The following PUM3 variants were observed in gnomAD, a reference collection of about 807,000 sequenced individuals.
PUM3 encodes the protein pumilio homolog 3.
A neutral mutation model predicts 84.0 loss-of-function variants in PUM3; 91 were observed. The ratio of observed to expected loss-of-function variants is 1.08; its 90% CI spans 0.91 to 1.29. The LOEUF (loss-of-function observed/expected upper bound fraction) is 1.29. Ranked by LOEUF, PUM3 falls within the 50% of genes most tolerant of loss-of-function variation. PUM3 has a pLI of 0.00. For missense variants in PUM3, 1,067 were observed against 767.5 expected, an observed-to-expected ratio of 1.39 and a Z score of -4.61; for synonymous variants, 321 against 266.7, an observed-to-expected ratio of 1.20 and a Z score of -1.98.
At position 2,804,384 on chromosome 9, in the gene PUM3, T is replaced by C; in HGVS notation, c.1894A>G (p.Thr632Ala). 1 of 1,614,024 alleles carries C rather than the reference T, an allele frequency of 6.2e-7. No homozygotes were observed. Among genetic ancestry groups the C allele is most frequent in the Non-Finnish European group, 8.5e-7 (1 of 1,179,984 alleles). Residue 632 changes from threonine to alanine, a missense_variant, in exon 18 of 18, where the codon ACC becomes GCC. Physicochemically the swap from Thr to Ala is moderately conservative, Grantham distance 58. Transcript: ENST00000397885. ...LKSLIPTLEK[T>A]KSTSKGIEIL... Reference sequence around the variant, plus strand: ...TCTATTCCTTTGCTGGTGCTTTTGGTTTTTTCCAATGTAGGAATCAAGCTT... The same window carrying C: ...TCTATTCCTTTGCTGGTGCTTTTGGCTTTTTCCAATGTAGGAATCAAGCTT...
At chr9:2,816,693 A>C (rs1332908933) in intron 13 of PUM3, among the ~76,000 whole-genome samples, 1 of 151,892 alleles carries the variant, frequency 6.6e-6, no homozygotes, top group Non-Finnish European at 1.5e-5. Context: ...TCATTTACCT[A>C]TCTGGTCAAT....
At chr9:2,838,688 C>T (rs1816196123) in intron 1 of PUM3, among the ~76,000 whole-genome samples, 171 bp from the exon 2 acceptor site, 1 of 152,156 alleles carries the variant, frequency 6.6e-6, no homozygotes, top group Non-Finnish European at 1.5e-5. Flanking sequence ...ATCACTGACT[C>T]AAATTTTAAA....
intron 15 of PUM3, among the ~76,000 whole-genome samples, chr9:2,811,009 C>CG (rs1279514597): frequency 2.6e-5 from 4 of 152,174 alleles, no homozygotes; most frequent in Admixed American, 2.6e-4. Flanking sequence ...TTTCAAGGTA[C>CG]ATTCATCTTT....
intron 1 of PUM3, among the ~76,000 whole-genome samples, chr9:2,840,713 T>C (rs540829296): frequency 1.2e-4 from 19 of 152,370 alleles, no homozygotes; most frequent in Non-Finnish European, 2.6e-4. Flanking sequence ...GTTGCTTCTG[T>C]GTCCTTTTGA....
At chr9:2,831,109 C>A in intron 6 of PUM3, 81 bp from the exon 7 acceptor site, 1 of 984,924 alleles carries the variant, frequency 1.0e-6, no homozygotes. Flanking sequence ...TTGTCCCAGG[C>A]AAGGAAAAAA....
Position 2,837,288 on chromosome 9 carries a change from T to G in PUM3, c.196A>C (p.Lys66Gln). The G allele has an allele frequency of 6.2e-7, 1 of 1,614,132 alleles. No homozygotes were observed. Among genetic ancestry groups the G allele is most frequent in the Non-Finnish European group, 8.5e-7 (1 of 1,179,974 alleles). ...CCTTGCTGCTTATTCTTGAACTGCT[T>G]TACACCCTTTTTCCCAAGTTTTGTG... ...SITKLGKKGV[K>Q]QFKNKQQGDK... The change falls in exon 3 of 18, where the codon AAG (lysine) becomes CAG (glutamine). Residue 66 changes from lysine (K) to glutamine (Q), a missense_variant. Physicochemically the swap from Lys to Gln is moderately conservative, Grantham distance 53 (BLOSUM62 1). Coordinates refer to ENST00000397885, the MANE Select transcript of PUM3 (RefSeq NM_014878.5).
chr9:2,833,867 G>C (rs146375904), intron 4 of PUM3, among the ~76,000 whole-genome samples, 164 bp downstream of exon 4: 2 of 152,144 alleles, frequency 1.3e-5, no homozygotes, highest in African/African-American at 4.8e-5. Context: ...CTTCTGTGAC[G>C]GGCAGACTTC....
intron 13 of PUM3, among the ~76,000 whole-genome samples, chr9:2,812,737 A>G (rs1479907640): frequency 6.6e-6 from 1 of 152,190 alleles, no homozygotes; most frequent in African/African-American, 2.4e-5. Flanking sequence ...TGTGACTAGC[A>G]TTACTGAACA....
At chr9:2,810,887 T>G (rs1330255522) in intron 15 of PUM3, among the ~76,000 whole-genome samples, 1 of 152,210 alleles carries the variant, frequency 6.6e-6, no homozygotes, top group Non-Finnish European at 1.5e-5. Context: ...AGAAAGCATC[T>G]TTTCAGCTCA....
intron 17 of PUM3, among the ~76,000 whole-genome samples, chr9:2,805,102 G>A (rs1217022208): frequency 6.6e-6 from 1 of 152,164 alleles, no homozygotes; most frequent in African/African-American, 2.4e-5. Context: ...TCAGTTTCCC[G>A]AATTGTAGAA....
Position 2,824,720 on chromosome 9 carries a change from G to C in PUM3, c.1131C>G (p.Pro377=). The change falls in exon 11 of 18, where the codon CCC becomes CCG. Residue 377 remains proline (P), a synonymous_variant. Coordinates refer to ENST00000397885, the MANE Select transcript of PUM3 (RefSeq NM_014878.5). ...VAMHCLWHGT[P]KDRKVIVKTM... ...GCCCAAGTGCTGTCACACTTACCTTGGGCGTGCCATGCCACAGGCAGTGCA... is the reference window on the plus strand; with the variant it reads ...GCCCAAGTGCTGTCACACTTACCTTCGGCGTGCCATGCCACAGGCAGTGCA... 1 of 1,541,266 alleles carries C rather than the reference G, an allele frequency of 6.5e-7. No homozygotes were observed. Among genetic ancestry groups the C allele is most frequent in the East Asian group, 2.3e-5 (1 of 42,716 alleles).
chr9:2,812,613 T>C (rs909729003), intron 13 of PUM3, among the ~76,000 whole-genome samples: 2 of 152,210 alleles, frequency 1.3e-5, no homozygotes, highest in African/African-American at 4.8e-5. Context: ...GAAGAATACA[T>C]ACTTAACTAC....
At chr9:2,828,086 C>A (rs1815872169) in intron 9 of PUM3, among the ~76,000 whole-genome samples, 1 of 152,146 alleles carries the variant, frequency 6.6e-6, no homozygotes, top group South Asian at 2.1e-4. Flanking sequence ...GTTGCCTAGG[C>A]TGGAATGCAG....
chr9:2,808,173 C>G (rs1463681054), intron 16 of PUM3, among the ~76,000 whole-genome samples: 1 of 152,216 alleles, frequency 6.6e-6, no homozygotes, highest in East Asian at 1.9e-4. Context: ...TAATAAAACA[C>G]TCACTTGGTT....
chr9:2,805,681 T>C (rs1821243071), intron 17 of PUM3, among the ~76,000 whole-genome samples: 1 of 152,236 alleles, frequency 6.6e-6, no homozygotes, highest in Non-Finnish European at 1.5e-5. Flanking sequence ...CAACACATAA[T>C]AGTAAGTTAT....
At position 2,823,736 on chromosome 9, in the gene PUM3, C is replaced by A. The variant is rs57168431; in HGVS notation, c.1188+45G>T. 2,813 of 865,566 alleles carry A rather than the reference C, an allele frequency of 3.2e-3. 50 individuals are homozygous for A. The African/African-American group carries it at 0.044, about 14-fold the overall frequency. The allele number at this position is 865,566 out of a possible 1,614,324, so 53.6% of individuals were successfully genotyped here. ...TTTTCTATAATAGACATGAATTCAT[C>A]TTACTATCAAAAATAATTAGAATAT... On this transcript the variant is annotated intron_variant, in intron 12 of 17. Transcript: ENST00000397885.
intron 10 of PUM3, among the ~76,000 whole-genome samples, chr9:2,826,729 T>C (rs979488959): frequency 6.6e-6 from 1 of 152,204 alleles, no homozygotes; most frequent in Non-Finnish European, 1.5e-5. Context: ...TAATTTTTTT[T>C]TTGTATTAGC....
chr9:2,829,798 A>G lies in PUM3; in HGVS notation c.828T>C (p.Tyr276=), dbSNP rs760800684. The G allele has an allele frequency of 1.1e-5, 17 of 1,613,820 alleles. No homozygotes were observed. Among genetic ancestry groups the G allele is most frequent in the Non-Finnish European group, 1.4e-5 (17 of 1,179,852 alleles). Residue 276 remains tyrosine, a synonymous_variant, in exon 8 of 18, where the codon TAT becomes TAC. Coordinates refer to ENST00000397885, the MANE Select transcript of PUM3 (RefSeq NM_014878.5). ...EQRNMLTEEL[Y]GNTFQLYKSA... is the part of the protein sequence containing the mutation. ...CCTTGTAAAGCTGAAATGTGTTCCC[A>G]TAGAGCTCTTCCGTCAGCATGTTCC...
intron 17 of PUM3, among the ~76,000 whole-genome samples, chr9:2,804,926 C>G (rs190666986): frequency 1.1e-4 from 16 of 152,326 alleles, no homozygotes; most frequent in Admixed American, 8.5e-4. Context: ...AACAGAGGCA[C>G]AGAGAGGTCA....
Sources: gnomAD v4.1 joint callset for allele counts (sites outside exome capture counted in the v4.1 genomes callset) on GRCh38, gnomAD v4.1.1 for gene constraint, MANE v1.5 for transcripts, NCBI Gene and HGNC (gene_info 2026-07-23, HGNC 2026-07-21) for gene names.